Variants in OR10K2 observed in about 807,000 individuals in gnomAD.
OR10K2 encodes the protein olfactory receptor 10K2.
For synonymous variants in OR10K2, 169 were observed against 146.4 expected (o/e 1.15, Z -1.11); for missense variants, 401 against 367.1 (o/e 1.09, Z -0.76).
Position 158,420,291 on chromosome 1 carries a change from G to T in OR10K2, c.576C>A (p.Asn192Lys). 3.1e-6 allele frequency: 5 copies of T among 1,613,836 alleles called. No individual in the cohort carries two copies. In the South Asian group the frequency reaches 5.5e-5, roughly 18 times the overall value. Reference protein sequence around the residue: ...APVLKLASHHNHFSQIVIFML... With the variant: ...APVLKLASHHKHFSQIVIFML... ...TGAAGATGACAATCTGACTAAAGTG[G>T]TTATGGTGAGATGCCAGCTTGAGGA... is the stretch of plus-strand genomic sequence containing the variant. Residue 192 changes from asparagine to lysine, a missense_variant, in exon 2 of 2, where the codon AAC (asparagine) becomes AAA (lysine). By Grantham distance (94) the Asn-to-Lys change is moderately conservative (BLOSUM62 0). Coordinates refer to ENST00000641042, the MANE Select transcript of OR10K2 (RefSeq NM_001004476.2).
chr1:158,422,902 C>T (rs945255246), intron 1 of OR10K2, among the ~76,000 whole-genome samples: 16 of 151,898 alleles, frequency 1.1e-4, no homozygotes, highest in Non-Finnish European at 1.8e-4. Context: ...TATAGGAGCA[C>T]TCAGGAGACA....
Position 158,420,675 on chromosome 1 carries a change from G to A in OR10K2, c.192C>T (p.Ala64=), listed in dbSNP as rs766548649. Reference sequence around the variant, plus strand: ...AGCAAATCTCAGAGCAAGAGAGGATGGCAAGGAAGAAGTACATGGGGATAT... The same window carrying A: ...AGCAAATCTCAGAGCAAGAGAGGATAGCAAGGAAGAAGTACATGGGGATAT... ...ALHIPMYFFL[A]ILSCSEICYT... The change falls in exon 2 of 2, where the codon GCC becomes GCT. Residue 64 remains alanine (A), a synonymous_variant. Transcript: ENST00000641042. 204 of 1,613,774 alleles carry A rather than the reference G, an allele frequency of 1.3e-4. 1 individual carries two copies. The highest frequency in any genetic ancestry group is 1.6e-4 in the Non-Finnish European group (192 of 1,179,900).
intron 1 of OR10K2, among the ~76,000 whole-genome samples, chr1:158,422,240 T>A (rs1571263337): frequency 6.6e-6 from 1 of 152,132 alleles, no homozygotes; most frequent in East Asian, 1.9e-4. Flanking sequence ...ACCTTCTCAA[T>A]AAATAATTGT....
intron 1 of OR10K2, among the ~76,000 whole-genome samples, chr1:158,424,676 G>A (rs1557862089): frequency 6.6e-6 from 1 of 151,748 alleles, no homozygotes; most frequent in Non-Finnish European, 1.5e-5. Context: ...GAGAATCAGA[G>A]TTTGGGGACT....
At chr1:158,422,630 T>A (rs986663691) in intron 1 of OR10K2, among the ~76,000 whole-genome samples, 1 of 152,074 alleles carries the variant, frequency 6.6e-6, no homozygotes, top group South Asian at 2.1e-4. Context: ...ATTATTAAAA[T>A]CACCTTAACT....
rs1186476993 is a variant in OR10K2, at chr1:158,420,554, G to A, written c.313C>T (p.Leu105Phe). ...AAGGAGTGAGAGCAGCCAAGGAAGA[G>A]GAAGGAAAACATTTGGATGGCACAG... ...LGCAIQMFSFLFLGCSHSFLL... is the reference protein window; with the variant it reads ...LGCAIQMFSFFFLGCSHSFLL... Residue 105 changes from leucine (L) to phenylalanine (F), a missense_variant, in exon 2 of 2, where the codon CTC (leucine) becomes TTC (phenylalanine). By Grantham distance (22) the Leu-to-Phe change is conservative. Transcript: ENST00000641042. 1 of 1,613,896 alleles carries A rather than the reference G, an allele frequency of 6.2e-7. No homozygotes were observed. The highest frequency in any genetic ancestry group is 1.7e-5 in the Admixed American group (1 of 59,952).
intron 1 of OR10K2, among the ~76,000 whole-genome samples, chr1:158,424,560 A>G (rs1163812187): frequency 6.6e-6 from 1 of 152,100 alleles, no homozygotes; most frequent in Non-Finnish European, 1.5e-5. Context: ...TGTTTGTTCT[A>G]GATTTGGTGA....
chr1:158,420,801 C>G lies in OR10K2; in HGVS notation c.66G>C (p.Arg22Ser). Residue 22 changes from arginine to serine, a missense_variant, in exon 2 of 2, where the codon AGG (arginine) becomes AGC (serine). By Grantham distance (110) the Arg-to-Ser change is moderately radical. Transcript: ENST00000641042. Reference protein sequence around the residue: ...VIFLGFSSLARLQQLLFVIFL... With the variant: ...VIFLGFSSLASLQQLLFVIFL... ...AGATAACAAAGAGCAGCTGCTGCAG[C>G]CTGGCCAGGGATGAGAAGCCGAGGA... is the stretch of plus-strand genomic sequence containing the variant. 6.2e-7 allele frequency: 1 copy of G among 1,613,638 alleles called. No homozygotes were observed. The highest frequency in any genetic ancestry group is 8.5e-7 in the Non-Finnish European group (1 of 1,179,844).
At chr1:158,421,781 A>G (rs1367053357) in intron 1 of OR10K2, among the ~76,000 whole-genome samples, 1 of 152,180 alleles carries the variant, frequency 6.6e-6, no homozygotes, top group African/African-American at 2.4e-5. Flanking sequence ...TGGCTATAGT[A>G]TAGAGTTCAA....
At chr1:158,423,696 C>G (rs564249006) in intron 1 of OR10K2, among the ~76,000 whole-genome samples, 1 of 152,066 alleles carries the variant, frequency 6.6e-6, no homozygotes, top group African/African-American at 2.4e-5. Flanking sequence ...GTTATTGAAA[C>G]TGATTTTTCT....
At chr1:158,424,524 G>T (rs540805760) in intron 1 of OR10K2, among the ~76,000 whole-genome samples, 33 of 152,108 alleles carry the variant, frequency 2.2e-4, no homozygotes, top group African/African-American at 7.7e-4. Flanking sequence ...AATAATGTAA[G>T]GCAAGTTGAC....
rs543558070 is a variant in OR10K2, at chr1:158,419,771, C to T, written c.*157G>A. ...GATTACAGGAGCCCACCACAGCATC[C>T]GGTTAATTTGTATATTTTTTGGTAG... On this transcript the variant is annotated 3_prime_UTR_variant, in exon 2 of 2. Transcript: ENST00000641042. 54 of 603,490 alleles carry T rather than the reference C, an allele frequency of 8.9e-5. No individual in the cohort carries two copies. The highest frequency in any genetic ancestry group is 9.2e-4 in the Middle Eastern group (2 of 2,166). 37.4% of individuals were successfully genotyped at this position (603,490 alleles called of 1,614,324 possible).
At chr1:158,423,608 T>C (rs1655198102) in intron 1 of OR10K2, among the ~76,000 whole-genome samples, 1 of 152,094 alleles carries the variant, frequency 6.6e-6, no homozygotes. Context: ...TCTGTTTTAT[T>C]ACTTTATTGT....
chr1:158,424,780 C>T (rs1381956372), intron 1 of OR10K2, among the ~76,000 whole-genome samples: 1 of 120,552 alleles, frequency 8.3e-6, no homozygotes, highest in East Asian at 2.0e-4. Context: ...AAGCAGTATT[C>T]AACACTCTCC....
rs951790503 is a variant in OR10K2, at chr1:158,419,867, C to T, written c.*61G>A. 11 of 1,444,398 alleles carry T rather than the reference C, an allele frequency of 7.6e-6. No homozygotes were observed. Among genetic ancestry groups the T allele is most frequent in the African/African-American group, 2.8e-5 (2 of 71,134 alleles). The allele number at this position is 1,444,398 out of a possible 1,614,324, so 89.5% of individuals were successfully genotyped here. On this transcript the variant is annotated 3_prime_UTR_variant, in exon 2 of 2. Coordinates refer to ENST00000641042, the MANE Select transcript of OR10K2 (RefSeq NM_001004476.2). ...CCTCAGGTGATCCACCTGTCTCAGC[C>T]TTCCAAAATGCTGGGATTACAGTCG...
intron 1 of OR10K2, among the ~76,000 whole-genome samples, chr1:158,422,568 A>G (rs1655179751): frequency 6.6e-6 from 1 of 152,152 alleles, no homozygotes; most frequent in African/African-American, 2.4e-5. Flanking sequence ...GAATTCAAAT[A>G]AGTGAGAGAA....
At position 158,420,525 on chromosome 1, in the gene OR10K2, C is replaced by T. The variant is rs958782650; in HGVS notation, c.342G>A (p.Leu114=). 2 of 1,613,620 alleles carry T rather than the reference C, an allele frequency of 1.2e-6. No individual in the cohort carries two copies. Among genetic ancestry groups the T allele is most frequent in the Admixed American group, 1.7e-5 (1 of 59,896 alleles). Residue 114 remains leucine (L), a synonymous_variant, in exon 2 of 2, where the codon CTG becomes CTA. Coordinates refer to ENST00000641042, the MANE Select transcript of OR10K2 (RefSeq NM_001004476.2). The part of the protein sequence containing the change: ...FLFLGCSHSF[L]LAVMGYDRYI... ...AACGATCATAACCCATGACTGCCAG[C>T]AGAAAGGAGTGAGAGCAGCCAAGGA...
rs374710976 is a variant in OR10K2, at chr1:158,419,922, T to G, written c.*6A>C. ...AAACTGCACCTGGCCAGAATCAAGA[T>G]TAATTTTACAACAGGGAAATTGTTC... is the stretch of plus-strand genomic sequence containing the variant. On this transcript the variant is annotated 3_prime_UTR_variant, in exon 2 of 2. Coordinates refer to ENST00000641042, the MANE Select transcript of OR10K2 (RefSeq NM_001004476.2). 6.2e-7 allele frequency: 1 copy of G among 1,603,522 alleles called. No individual in the cohort carries two copies. Among genetic ancestry groups the G allele is most frequent in the Non-Finnish European group, 8.5e-7 (1 of 1,173,974 alleles).
chr1:158,420,745 G>C lies in OR10K2; in HGVS notation c.122C>G (p.Thr41Ser), dbSNP rs1655138635. Residue 41 changes from threonine (T) to serine (S), a missense_variant, in exon 2 of 2, where the codon ACC (threonine) becomes AGC (serine). Thr to Ser is a moderately conservative substitution (Grantham distance 58). Transcript: ENST00000641042. ...FLLLYLFTLG[T>S]NAIIISTIVL... ...AATGGTGGAAATGATGATTGCATTGGTGCCCAGAGTGAACAGGTAGAGGAG... is the reference window on the plus strand; with the variant it reads ...AATGGTGGAAATGATGATTGCATTGCTGCCCAGAGTGAACAGGTAGAGGAG... 1.2e-6 allele frequency: 2 copies of C among 1,613,620 alleles called. No individual in the cohort carries two copies. The highest frequency in any genetic ancestry group is 1.7e-6 in the Non-Finnish European group (2 of 1,179,848).
Sources: allele counts gnomAD v4.1 joint callset (sites outside exome capture counted in the v4.1 genomes callset), GRCh38; gene constraint gnomAD v4.1.1; transcripts MANE v1.5; gene names NCBI Gene and HGNC (gene_info 2026-07-23, HGNC 2026-07-21).